HERC2: variants seen among roughly 807,000 people sequenced by gnomAD.
HERC2 encodes E3 ubiquitin-protein ligase HERC2.
HERC2 carries 102 observed loss-of-function variants against 537.7 expected under a neutral mutation model. The ratio of observed to expected loss-of-function variants is 0.19; its 90% confidence interval spans 0.16 to 0.22. The LOEUF (loss-of-function observed/expected upper bound fraction) is 0.22, where lower values mean the gene tolerates loss of function less well. HERC2 is among the 10% of genes least tolerant of loss of function. The probability of loss-of-function intolerance (pLI) is 1.00; values close to 1 mark genes in which losing one functional copy is unlikely to be tolerated. For missense variants in HERC2, 4,236 were observed against 6,198.2 expected (o/e 0.68, Z 10.63); for synonymous variants, 2,224 against 2,466.2 (o/e 0.90, Z 2.91).
intron 37 of HERC2, among the ~76,000 whole-genome samples, chr15:28,219,804 T>A (rs747959673): frequency 9.9e-5 from 15 of 152,162 alleles, no homozygotes; most frequent in Non-Finnish European, 1.9e-4. Context: ...TGGATGGTAT[T>A]ACCAAACCCA....
chr15:28,317,191 A>T (rs897178814), intron 2 of HERC2, among the ~76,000 whole-genome samples: 1 of 152,120 alleles, frequency 6.6e-6, no homozygotes, highest in African/African-American at 2.4e-5. Flanking sequence ...CCTGGGTTCA[A>T]GCACTTCTCC....
chr15:28,253,428 T>A lies in HERC2; in HGVS notation c.3050+912A>T, dbSNP rs148738885. Among the ~76,000 whole-genome samples, 500 of 152,360 alleles carry A rather than the reference T, an allele frequency of 3.3e-3. 3 individuals are homozygous for A. Among genetic ancestry groups the A allele is most frequent in the African/African-American group, 0.011 (475 of 41,580 alleles). On this transcript the variant is annotated intron_variant, in intron 20 of 92. Transcript: ENST00000261609. ...ATGATTTTCATTTGCATCCACCTGC[T>A]TATTAGTAAGAATCTTTTTACATGT... is the stretch of plus-strand genomic sequence containing the variant.
At chr15:28,187,254 C>A (rs1371152597) in intron 55 of HERC2, among the ~76,000 whole-genome samples, 1 of 152,038 alleles carries the variant, frequency 6.6e-6, no homozygotes, top group Non-Finnish European at 1.5e-5. Flanking sequence ...TATGGATTAT[C>A]ATTAAAAAAT....
At position 28,202,425 on chromosome 15, in the gene HERC2, T is replaced by G. The variant is rs774270379; in HGVS notation, c.7402A>C (p.Met2468Leu). ...TCGATGTTCCTTCTGGAAAATCCCA[T>G]CTCCATGAGCTGCACCACGATCGGC... ...ALPIVVQLME[M>L]GFSRRNIEFA... is the part of the protein sequence containing the mutation. The change falls in exon 46 of 93, where the codon ATG (methionine) becomes CTG (leucine). Residue 2468 changes from methionine to leucine, a missense_variant. Met to Leu is a conservative substitution (Grantham distance 15, BLOSUM62 2). Coordinates refer to ENST00000261609, the MANE Select transcript of HERC2 (RefSeq NM_004667.6). The G allele has an allele frequency of 6.4e-7, 1 of 1,573,522 alleles. No homozygotes were observed. Among genetic ancestry groups the G allele is most frequent in the Admixed American group, 1.7e-5 (1 of 58,654 alleles).
chr15:28,143,555 T>C (rs1891437620), intron 74 of HERC2, among the ~76,000 whole-genome samples: 2 of 152,090 alleles, frequency 1.3e-5, no homozygotes, highest in South Asian at 4.1e-4. Flanking sequence ...CAAGCGATTC[T>C]CCTGCCTCAG....
At chr15:28,217,351 A>G (rs1472085910) in intron 38 of HERC2, among the ~76,000 whole-genome samples, 2 of 151,406 alleles carry the variant, frequency 1.3e-5, no homozygotes, top group Non-Finnish European at 1.5e-5. Context: ...CCACACAACC[A>G]CATGCTACCA....
Position 28,198,532 on chromosome 15 carries a change from A to T in HERC2, c.7886-29T>A, listed in dbSNP as rs1164682130. ...CAGATGTCAATAACAAATCATTATA[A>T]TCAATATTCATTTAAGGGAATTTTG... is the stretch of plus-strand genomic sequence containing the variant. On this transcript the variant is annotated intron_variant, in intron 49 of 92. Transcript: ENST00000261609. 1.9e-6 allele frequency: 3 copies of T among 1,611,144 alleles called. No individual in the cohort carries two copies. In the African/African-American group the frequency reaches 4.0e-5, roughly 22 times the overall value.
chr15:28,262,103 T>C (rs941587933), intron 15 of HERC2, among the ~76,000 whole-genome samples: 1 of 152,202 alleles, frequency 6.6e-6, no homozygotes, highest in African/African-American at 2.4e-5. Context: ...CTGATGTACC[T>C]CTCACACTGC....
At chr15:28,292,230 CAAAAAAAAAAAAA>C (rs34513876) in intron 4 of HERC2, among the ~76,000 whole-genome samples, 6 of 67,478 alleles carry the variant, frequency 8.9e-5, no homozygotes, top group Admixed American at 4.4e-4. Flanking sequence ...ACTCCATCTC[CAAAAAAAAAAAAA>C]AAAAAAAAAA....
At chr15:28,260,165 C>T (rs186531508) in intron 16 of HERC2, among the ~76,000 whole-genome samples, 83 of 150,784 alleles carry the variant, frequency 5.5e-4, no homozygotes, top group African/African-American at 2.0e-3. Context: ...CATAGTGAAA[C>T]CGTATCTCCA....
At chr15:28,127,755 G>T (rs35531980) in intron 83 of HERC2, among the ~76,000 whole-genome samples, 4,736 of 152,014 alleles carry the variant, frequency 0.031, 229 homozygotes, top group African/African-American at 0.11. Flanking sequence ...AGACAACGGG[G>T]ACACACAAAA....
chr15:28,125,343 G>T (rs1889360986), intron 83 of HERC2, 150 bp from the exon 84 acceptor site: 2 of 673,540 alleles, frequency 3.0e-6, no homozygotes, highest in Non-Finnish European at 5.3e-6. Context: ...ACCTAGACAT[G>T]AATGTCTGCT....
At chr15:28,238,277 G>C (rs1260869733) in intron 24 of HERC2, 60 bp from the exon 25 acceptor site, 1 of 1,201,362 alleles carries the variant, frequency 8.3e-7, no homozygotes, top group African/African-American at 1.5e-5. Flanking sequence ...AGAGATATAG[G>C]AGAAACAGTG....
chr15:28,164,099 C>T (rs1000657611), intron 68 of HERC2, among the ~76,000 whole-genome samples: 2 of 152,186 alleles, frequency 1.3e-5, no homozygotes, highest in African/African-American at 2.4e-5. Flanking sequence ...AGCATGGGAA[C>T]CGCTGTGACC....
At chr15:28,159,618 T>C (rs1039908389) in intron 69 of HERC2, among the ~76,000 whole-genome samples, 2 of 152,218 alleles carry the variant, frequency 1.3e-5, no homozygotes, top group African/African-American at 4.8e-5. Context: ...TTGGTTATTC[T>C]AGTTAGCCAT....
In HERC2 at chr15:28,202,113, C is replaced by T; in HGVS notation, c.7617G>A (p.Met2539Ile). ...GGGCGGTCACATGGGAGGCACTGAC[C>T]ATGGAGTAGGCGGCATCATCCACGT... ...VEDVDDAAYSMSTGAVVTESQ... is the reference protein window; with the variant it reads ...VEDVDDAAYSISTGAVVTESQ... Residue 2539 changes from methionine (M) to isoleucine (I), a missense_variant and splice_region_variant, in exon 47 of 93, where the codon ATG (methionine) becomes ATA (isoleucine). Physicochemically the swap from Met to Ile is conservative, Grantham distance 10 (BLOSUM62 1). Transcript: ENST00000261609. 1 of 1,522,826 alleles carries T rather than the reference C, an allele frequency of 6.6e-7. No individual in the cohort carries two copies. Among genetic ancestry groups the T allele is most frequent in the South Asian group, 1.1e-5 (1 of 87,814 alleles). 94.3% of individuals were successfully genotyped at this position (1,522,826 alleles called of 1,614,324 possible). A position where few individuals can be genotyped will look rare whatever the true frequency, so the allele number is the denominator to read the frequency against.
chr15:28,252,124 T>G (rs933606518), intron 20 of HERC2, among the ~76,000 whole-genome samples: 3 of 152,288 alleles, frequency 2.0e-5, no homozygotes, highest in East Asian at 1.9e-4. Flanking sequence ...GCATTTTAAT[T>G]AATAAAAATT....
chr15:28,235,400 CT>C (rs1327713936), intron 26 of HERC2, among the ~76,000 whole-genome samples: 2 of 152,248 alleles, frequency 1.3e-5, no homozygotes, highest in East Asian at 3.9e-4. Flanking sequence ...AGCCCATCTT[CT>C]GGCAAGCAAT....
intron 4 of HERC2, among the ~76,000 whole-genome samples, chr15:28,285,627 G>A (rs1596390832): frequency 2.7e-5 from 4 of 150,202 alleles, no homozygotes; most frequent in South Asian, 4.2e-4. Context: ...TGCCCGCCTC[G>A]ACAACCTAAA....
Sources: gnomAD v4.1 joint callset for allele counts (sites outside exome capture counted in the v4.1 genomes callset) on GRCh38, gnomAD v4.1.1 for gene constraint, MANE v1.5 for transcripts, NCBI Gene and HGNC (gene_info 2026-07-23, HGNC 2026-07-21) for gene names.